VSNL1: variants seen among roughly 807,000 people sequenced by gnomAD.
VSNL1 encodes visinin like 1.
A neutral mutation model predicts 20.4 loss-of-function variants in VSNL1; 6 were observed. The observed-to-expected ratio is 0.29, with a 90% CI of 0.16 to 0.58. VSNL1 has a LOEUF of 0.58. Ranked by LOEUF, VSNL1 falls within the 20% of genes least tolerant of loss-of-function variation. The pLI is 0.90. For missense variants in VSNL1, 100 were observed against 234.5 expected (o/e 0.43, Z 3.75); for synonymous variants, 93 against 86.4 (o/e 1.08, Z -0.42).
chr2:17,613,008 C>T (rs946663706), intron 2 of VSNL1, among the ~76,000 whole-genome samples: 7 of 152,166 alleles, frequency 4.6e-5, no homozygotes, highest in African/African-American at 1.7e-4. Context: ...CCTCCTCACC[C>T]CATCTCCTCT....
chr2:17,593,332 T>C (rs564022569), intron 2 of VSNL1, among the ~76,000 whole-genome samples: 1 of 152,224 alleles, frequency 6.6e-6, no homozygotes, highest in South Asian at 2.1e-4. Context: ...TTGAACAATA[T>C]AACATTATAT....
At chr2:17,592,395 T>C (rs1163454075) in intron 2 of VSNL1, among the ~76,000 whole-genome samples, 159 bp downstream of exon 2, 3 of 152,082 alleles carry the variant, frequency 2.0e-5, no homozygotes, top group East Asian at 1.9e-4. Flanking sequence ...AAAATGCAAA[T>C]GTATATATGT....
intron 2 of VSNL1, among the ~76,000 whole-genome samples, chr2:17,612,634 G>A (rs1046429847): frequency 2.0e-5 from 3 of 152,086 alleles, no homozygotes; most frequent in Non-Finnish European, 2.9e-5. Flanking sequence ...TCACCTGATG[G>A]GGCCCATCCC....
intron 1 of VSNL1, chr2:17,567,371 TTTTTTTAGAAGGAGTC>T (rs1663973699): frequency 6.8e-6 from 1 of 146,110 alleles, no homozygotes; most frequent in African/African-American, 2.5e-5. Context: ...TTTTTTTTTT[TTTTTTTAGAAGGAGTC>T]TGCCTCTGTC....
intron 2 of VSNL1, among the ~76,000 whole-genome samples, chr2:17,640,244 C>G (rs749455662): frequency 7.4e-6 from 1 of 134,616 alleles, no homozygotes; most frequent in Non-Finnish European, 1.6e-5. Context: ...CAGAGCGAGA[C>G]TCTGTTTCAA....
chr2:17,590,754 C>T (rs528315889), intron 1 of VSNL1, among the ~76,000 whole-genome samples: 4 of 152,134 alleles, frequency 2.6e-5, no homozygotes, highest in South Asian at 4.1e-4. Flanking sequence ...TGAGATTACC[C>T]CTTCCAGGCT....
chr2:17,576,499 G>T (rs1165730490), intron 1 of VSNL1, among the ~76,000 whole-genome samples: 2 of 152,012 alleles, frequency 1.3e-5, no homozygotes, highest in Non-Finnish European at 2.9e-5. Flanking sequence ...ATGCAGTTTT[G>T]CTGTATTTGA....
chr2:17,588,013 C>T (rs952066358), intron 1 of VSNL1, among the ~76,000 whole-genome samples: 1 of 152,126 alleles, frequency 6.6e-6, no homozygotes, highest in Non-Finnish European at 1.5e-5. Flanking sequence ...TTCTCTTGTC[C>T]ATCAAAGCCC....
At chr2:17,607,008 C>T (rs1244814068) in intron 2 of VSNL1, among the ~76,000 whole-genome samples, 3 of 152,138 alleles carry the variant, frequency 2.0e-5, no homozygotes, top group African/African-American at 4.8e-5. Context: ...CCAAGCTGAA[C>T]ATGGCAGAGT....
At position 17,626,399 on chromosome 2, in the gene VSNL1, G is replaced by C. The variant is rs1034950585; in HGVS notation, c.163-23011G>C. Among the ~76,000 whole-genome samples the C allele has an allele frequency of 9.8e-5, 15 of 152,320 alleles. No individual in the cohort carries two copies. In the East Asian group the frequency reaches 1.5e-3, roughly 16 times the overall value. On this transcript the variant is annotated intron_variant, in intron 2 of 3. Coordinates refer to ENST00000295156, the MANE Select transcript of VSNL1 (RefSeq NM_003385.5). ...GAACTGGGAACTGGAAAAGGTGACAGGAGTAGGGAGCATCTGGCCTCAGTG... is the reference window on the plus strand; with the variant it reads ...GAACTGGGAACTGGAAAAGGTGACACGAGTAGGGAGCATCTGGCCTCAGTG...
At chr2:17,585,569 T>G (rs1664451554) in intron 1 of VSNL1, among the ~76,000 whole-genome samples, 1 of 146,736 alleles carries the variant, frequency 6.8e-6, no homozygotes, top group Admixed American at 6.9e-5. Flanking sequence ...AAGCTTTGAG[T>G]GTTAGACACA....
intron 2 of VSNL1, among the ~76,000 whole-genome samples, chr2:17,617,957 G>T (rs1182309808): frequency 6.6e-6 from 1 of 152,092 alleles, no homozygotes; most frequent in Non-Finnish European, 1.5e-5. Context: ...AAGAATAGGT[G>T]TGGTTTCCAG....
intron 1 of VSNL1, among the ~76,000 whole-genome samples, chr2:17,591,150 A>C (rs188452533): frequency 4.5e-4 from 68 of 152,290 alleles, no homozygotes; most frequent in Admixed American, 2.6e-3. Context: ...AATCTGAAAG[A>C]GCTTCATTAT....
At chr2:17,613,219 A>G (rs1473002311) in intron 2 of VSNL1, among the ~76,000 whole-genome samples, 1 of 152,206 alleles carries the variant, frequency 6.6e-6, no homozygotes, top group East Asian at 1.9e-4. Flanking sequence ...TGGCTGTGTG[A>G]AGGTACCATT....
At chr2:17,589,807 G>A (rs1664557982) in intron 1 of VSNL1, among the ~76,000 whole-genome samples, 3 of 152,192 alleles carry the variant, frequency 2.0e-5, no homozygotes, top group Admixed American at 1.3e-4. Context: ...GGGGGAGGTG[G>A]TTTTTAATAC....
intron 2 of VSNL1, among the ~76,000 whole-genome samples, chr2:17,603,911 G>C (rs573822580): frequency 6.6e-6 from 1 of 152,182 alleles, no homozygotes; most frequent in Admixed American, 6.5e-5. Flanking sequence ...ATGACTTAGA[G>C]CCCAAGATGA....
At position 17,649,804 on chromosome 2, in the gene VSNL1, A is replaced by G. The variant is rs1347271857; in HGVS notation, c.378+179A>G. ...AGCACAGTGCTGGGGAGGTCCCAGA[A>G]CCAAGCCATGGGGCCCGTACTGTCG... On this transcript the variant is annotated intron_variant, in intron 3 of 3. Coordinates refer to ENST00000295156, the MANE Select transcript of VSNL1 (RefSeq NM_003385.5). The surrounding 1 kb of genome is among the most constrained non-coding windows in gnomAD (Gnocchi z 6.4). Among the ~76,000 whole-genome samples the G allele has an allele frequency of 6.6e-6, 1 of 152,122 alleles. No homozygotes were observed. Among genetic ancestry groups the G allele is most frequent in the Non-Finnish European group, 1.5e-5 (1 of 68,014 alleles).
chr2:17,621,404 C>T (rs1485349225), intron 2 of VSNL1, among the ~76,000 whole-genome samples: 3 of 151,960 alleles, frequency 2.0e-5, no homozygotes, highest in African/African-American at 7.3e-5. Flanking sequence ...CTCACTGCAA[C>T]CTCTACCTCC....
intron 2 of VSNL1, among the ~76,000 whole-genome samples, chr2:17,602,106 C>T (rs776827624): frequency 6.6e-6 from 1 of 152,148 alleles, no homozygotes; most frequent in Middle Eastern, 3.2e-3. Flanking sequence ...TATCACTGAC[C>T]CACCTTGGGT....
Sources: gnomAD v4.1 joint callset for allele counts (sites outside exome capture counted in the v4.1 genomes callset) on GRCh38, gnomAD v4.1.1 for gene constraint, Gnocchi (gnomAD v3.1) non-coding constraint, MANE v1.5 for transcripts, NCBI Gene and HGNC (gene_info 2026-07-23, HGNC 2026-07-21) for gene names.